Variants in SEC24B observed in about 807,000 individuals in gnomAD.
SEC24B encodes SEC24 homolog B, COPII component, also known as protein transport protein Sec24B.
SEC24B carries 45 observed loss-of-function variants against 142.8 expected under a neutral mutation model. That is an observed-to-expected ratio of 0.32 (90% confidence interval 0.25 to 0.40). The LOEUF is 0.40. SEC24B is among the 10% of genes least tolerant of loss of function. The pLI is 1.00. For synonymous variants in SEC24B, 574 were observed against 568.2 expected, an observed-to-expected ratio of 1.01 and a Z score of -0.15; for missense variants, 1,409 against 1,526.8, an observed-to-expected ratio of 0.92 and a Z score of 1.29.
chr4:109,470,736 A>G (rs1394314141), intron 2 of SEC24B, among the ~76,000 whole-genome samples: 2 of 152,348 alleles, frequency 1.3e-5, no homozygotes, highest in East Asian at 1.9e-4. Context: ...TAAATAAATT[A>G]TATTCTTCCA....
chr4:109,512,910 C>T (rs528904408), intron 9 of SEC24B, among the ~76,000 whole-genome samples: 90 of 151,788 alleles, frequency 5.9e-4, no homozygotes, highest in Middle Eastern at 6.9e-3. Context: ...GATCCATCCA[C>T]CTCAGCCTCC....
At chr4:109,527,218 CAAAAAAAAA>C in intron 17 of SEC24B, 95 bp from the exon 18 acceptor site, 1 of 649,710 alleles carries the variant, frequency 1.5e-6, no homozygotes, top group Non-Finnish European at 2.4e-6. Context: ...GACTCCGTCT[CAAAAAAAAA>C]AAAAAGAAAG....
At chr4:109,465,093 T>G (rs377116784) in intron 2 of SEC24B, among the ~76,000 whole-genome samples, 1 of 152,310 alleles carries the variant, frequency 6.6e-6, no homozygotes, top group African/African-American at 2.4e-5. Context: ...ATTTTACAGA[T>G]CATTTGCCAT....
At chr4:109,506,068 AG>A (rs1736653671) in intron 6 of SEC24B, among the ~76,000 whole-genome samples, 2 of 152,328 alleles carry the variant, frequency 1.3e-5, no homozygotes, top group East Asian at 3.9e-4. Context: ...AACTGTATTC[AG>A]GGAAACCAAA....
At chr4:109,450,643 G>A (rs1371650138) in intron 1 of SEC24B, 5 of 141,576 alleles carry the variant, frequency 3.5e-5, no homozygotes, top group Non-Finnish European at 7.5e-5. Flanking sequence ...GGGTGACAGA[G>A]TGAGACTCAT....
chr4:109,534,290 T>TA (rs1554012142), intron 22 of SEC24B, among the ~76,000 whole-genome samples: 8 of 151,586 alleles, frequency 5.3e-5, no homozygotes, highest in African/African-American at 1.9e-4. Context: ...TTTTTTTTTT[T>TA]ATACTATTAA....
intron 15 of SEC24B, 79 bp from the exon 16 acceptor site, chr4:109,525,267 A>T (rs1048658420): frequency 6.7e-5 from 81 of 1,200,206 alleles, no homozygotes; most frequent in Non-Finnish European, 8.7e-5. Context: ...TTTCTTCATA[A>T]TGTAGAATCT....
Position 109,434,006 on chromosome 4 carries a change from AGGCGGGC to A in SEC24B, c.133+8_133+14del. 1 of 1,154,404 alleles carries A rather than the reference AGGCGGGC, an allele frequency of 8.7e-7. No individual in the cohort carries two copies. Among genetic ancestry groups the A allele is most frequent in the East Asian group, 4.1e-5 (1 of 24,322 alleles). 71.5% of individuals were successfully genotyped at this position (1,154,404 alleles called of 1,614,324 possible). ...CCGGCGCCGCACCAGCAGAACGGTG[AGGCGGGC>A]GGCCCGGGCGGAGCGCGGGGCCTAG... On this transcript the variant is annotated splice_donor_5th_base_variant and intron_variant, in intron 1 of 23. Transcript: ENST00000265175.
intron 3 of SEC24B, among the ~76,000 whole-genome samples, chr4:109,476,159 GTATTTTTAGTAGAGACGGGGTT>G (rs1337862299): frequency 7.2e-5 from 11 of 151,982 alleles, no homozygotes; most frequent in South Asian, 4.2e-4. Flanking sequence ...GCTAATTTTT[GTATTTTTAGTAGAGACGGGGTT>G]TCACCATGTT....
intron 22 of SEC24B, among the ~76,000 whole-genome samples, chr4:109,537,961 A>G (rs537380174): frequency 6.6e-6 from 1 of 152,284 alleles, no homozygotes; most frequent in South Asian, 2.1e-4. Context: ...TTATGTATAT[A>G]AAAAATAATA....
At chr4:109,520,532 TG>T (rs1723493957) in intron 12 of SEC24B, 48 bp downstream of exon 12, 1 of 1,049,066 alleles carries the variant, frequency 9.5e-7, no homozygotes, top group African/African-American at 1.6e-5. Context: ...GACTTTGAAA[TG>T]GGGGCTACTT....
intron 1 of SEC24B, among the ~76,000 whole-genome samples, chr4:109,459,580 A>T (rs979774913): frequency 6.6e-6 from 1 of 152,156 alleles, no homozygotes; most frequent in Non-Finnish European, 1.5e-5. Context: ...ATATGATTAG[A>T]TATATTAGAT....
At chr4:109,532,845 G>T (rs2078525674) in intron 21 of SEC24B, 102 bp downstream of exon 21, 2 of 615,376 alleles carry the variant, frequency 3.3e-6, no homozygotes, top group Non-Finnish European at 5.9e-6. Flanking sequence ...GTAGTGAAAG[G>T]TGAATTAGGA....
chr4:109,462,647 C>T (rs777047823), intron 1 of SEC24B, among the ~76,000 whole-genome samples: 3 of 152,104 alleles, frequency 2.0e-5, no homozygotes, highest in Non-Finnish European at 4.4e-5. Flanking sequence ...TCACCTTTGC[C>T]GTATGCTACT....
Position 109,525,350 on chromosome 4 carries a change from C to T in SEC24B, c.2637C>T (p.Cys879=). The stretch of plus-strand genomic sequence containing the variant: ...TTTTTGTATTTCTCTCTAAAGCTTG[C>T]ATGTCCAAGTATTCTGCAGGGTGCA... The part of the protein sequence containing the change: ...SQYSDLASLA[C]MSKYSAGCIY... Residue 879 remains cysteine (C), a synonymous_variant, in exon 16 of 24, where the codon TGC becomes TGT. Coordinates refer to ENST00000265175, the MANE Select transcript of SEC24B (RefSeq NM_006323.5). 1 of 1,583,904 alleles carries T rather than the reference C, an allele frequency of 6.3e-7. No homozygotes were observed. The highest frequency in any genetic ancestry group is 8.6e-7 in the Non-Finnish European group (1 of 1,167,932).
At chr4:109,522,810 G>A (rs986345343) in intron 14 of SEC24B, among the ~76,000 whole-genome samples, 2 of 152,134 alleles carry the variant, frequency 1.3e-5, no homozygotes, top group Non-Finnish European at 2.9e-5. Context: ...TATATTGTGC[G>A]CATTCTCTGA....
intron 2 of SEC24B, among the ~76,000 whole-genome samples, chr4:109,466,998 A>G (rs886626520): frequency 6.6e-6 from 1 of 152,194 alleles, no homozygotes; most frequent in African/African-American, 2.4e-5. Context: ...TTAGTACATT[A>G]TAATTCAGTA....
intron 1 of SEC24B, among the ~76,000 whole-genome samples, chr4:109,445,242 G>GTTTTTTTTTTTTTTTTTTTT (rs70949078): frequency 2.7e-5 from 3 of 112,776 alleles, no homozygotes; most frequent in Non-Finnish European, 5.3e-5. Context: ...TTCTTTCTTT[G>GTTTTTTTTTTTTTTTTTTTT]TTTTTTTTTT....
chr4:109,433,876 GC>G lies in SEC24B; in HGVS notation c.12del (p.Ala5ProfsTer74). On this transcript the variant is annotated frameshift_variant, in exon 1 of 24. Transcript: ENST00000265175. LOFTEE classifies it high-confidence loss of function. MSAPAGSSHPAAS... is the reference protein window; with the variant it reads MSXPAGSSHPAAS... ...CGTCGCCACCAGCGCCGTCATGTCGGCCCCCGCCGGGTCCTCTCACCCGGCC... is the reference window on the plus strand; with the variant it reads ...CGTCGCCACCAGCGCCGTCATGTCGGCCCCGCCGGGTCCTCTCACCCGGCC... 7.5e-7 allele frequency: 1 copy of G among 1,334,708 alleles called. No individual in the cohort carries two copies. The highest frequency in any genetic ancestry group is 9.6e-7 in the Non-Finnish European group (1 of 1,039,528). The allele number at this position is 1,334,708 out of a possible 1,614,324, so 82.7% of individuals were successfully genotyped here. A position where few individuals can be genotyped will look rare whatever the true frequency, so the allele number is the denominator to read the frequency against.
Sources: gnomAD v4.1 joint callset for allele counts (sites outside exome capture counted in the v4.1 genomes callset) on GRCh38, gnomAD v4.1.1 for gene constraint, MANE v1.5 for transcripts, NCBI Gene and HGNC (gene_info 2026-07-23, HGNC 2026-07-21) for gene names.